SCLT1: variants seen among roughly 807,000 people sequenced by gnomAD.
The protein encoded by SCLT1 is sodium channel-associated protein 1.
Under a neutral mutation model 112.8 loss-of-function variants are expected in SCLT1, and 78 were observed. The ratio of observed to expected loss-of-function variants is 0.69; its 90% CI spans 0.58 to 0.83. The LOEUF (loss-of-function observed/expected upper bound fraction) is 0.83, where lower values mean the gene tolerates loss of function less well. SCLT1 is among the 40% of genes least tolerant of loss of function. The probability of loss-of-function intolerance (pLI) is 0.00; values close to 1 mark genes in which losing one functional copy is unlikely to be tolerated. For synonymous variants in SCLT1, 257 were observed against 254.7 expected (o/e 1.01, Z -0.09); for missense variants, 747 against 770.4 (o/e 0.97, Z 0.36).
At chr4:129,006,407 G>A (rs866113235) in intron 5 of SCLT1, among the ~76,000 whole-genome samples, 34 of 151,846 alleles carry the variant, frequency 2.2e-4, no homozygotes, top group Admixed American at 9.2e-4. Context: ...GCATGGTGGC[G>A]TGTGCCTGTA....
chr4:129,071,494 T>C (rs1375362555), intron 2 of SCLT1, among the ~76,000 whole-genome samples: 2 of 152,212 alleles, frequency 1.3e-5, no homozygotes, highest in African/African-American at 4.8e-5. Flanking sequence ...GATTGTGATA[T>C]CTTCCTGTTG....
chr4:129,076,689 A>G (rs1579945635), intron 2 of SCLT1, among the ~76,000 whole-genome samples: 1 of 81,632 alleles, frequency 1.2e-5, no homozygotes, highest in Non-Finnish European at 3.3e-5. Context: ...AGTATTCAAG[A>G]AAAAAAATGG....
intron 5 of SCLT1, among the ~76,000 whole-genome samples, chr4:129,029,716 G>C: frequency 6.6e-6 from 1 of 151,846 alleles, no homozygotes; most frequent in South Asian, 2.1e-4. Flanking sequence ...AAAAGACAAA[G>C]AAGGGCATTA....
chr4:129,029,149 C>T (rs966148238), intron 5 of SCLT1, among the ~76,000 whole-genome samples: 1 of 152,072 alleles, frequency 6.6e-6, no homozygotes, highest in Non-Finnish European at 1.5e-5. Context: ...ACTAGAAATA[C>T]CATTTGACCC....
intron 3 of SCLT1, among the ~76,000 whole-genome samples, 172 bp downstream of exon 3, chr4:129,043,821 T>C (rs1185244789): frequency 6.6e-6 from 1 of 152,212 alleles, no homozygotes; most frequent in East Asian, 1.9e-4. Context: ...GTTGCTCCTG[T>C]CTGAGAACTA....
intron 5 of SCLT1, among the ~76,000 whole-genome samples, chr4:129,016,792 C>T (rs1460620068): frequency 2.0e-5 from 3 of 152,140 alleles, no homozygotes; most frequent in Non-Finnish European, 4.4e-5. Flanking sequence ...CTTTCTATTC[C>T]TGGCCTTTGC....
intron 5 of SCLT1, among the ~76,000 whole-genome samples, chr4:129,014,027 T>C (rs1199840634): frequency 6.6e-6 from 1 of 152,220 alleles, no homozygotes; most frequent in African/African-American, 2.4e-5. Flanking sequence ...TTATTTCTAT[T>C]CTTGTCTGAT....
At chr4:128,946,503 C>T (rs985346594) in intron 15 of SCLT1, among the ~76,000 whole-genome samples, 11 of 152,078 alleles carry the variant, frequency 7.2e-5, no homozygotes, top group South Asian at 2.1e-4. Flanking sequence ...CCCAGGAGAT[C>T]GAGGCTGCAG....
At chr4:128,992,347 A>C (rs1742648711) in intron 8 of SCLT1, 110 bp from the exon 9 acceptor site, 6 of 652,166 alleles carry the variant, frequency 9.2e-6, no homozygotes, top group Non-Finnish European at 1.2e-5. Flanking sequence ...ATTTATGATA[A>C]AGATTAGATT....
intron 9 of SCLT1, among the ~76,000 whole-genome samples, chr4:128,990,767 C>A (rs1742495266): frequency 6.6e-6 from 1 of 150,482 alleles, no homozygotes; most frequent in African/African-American, 2.4e-5. Flanking sequence ...GAACAAAAAT[C>A]AGTATTATTT....
intron 5 of SCLT1, among the ~76,000 whole-genome samples, chr4:129,007,203 T>C (rs1288596476): frequency 6.6e-6 from 1 of 152,014 alleles, no homozygotes; most frequent in Non-Finnish European, 1.5e-5. Context: ...ACTTAGAGAA[T>C]GCATATTTTG....
chr4:128,928,150 C>G (rs1051545774), intron 18 of SCLT1, among the ~76,000 whole-genome samples: 2 of 151,748 alleles, frequency 1.3e-5, no homozygotes, highest in South Asian at 2.1e-4. Flanking sequence ...AAAACAACAA[C>G]AAAATTCCAG....
intron 2 of SCLT1, among the ~76,000 whole-genome samples, chr4:129,067,967 T>C (rs2125746090): frequency 1.3e-5 from 2 of 152,154 alleles, no homozygotes; most frequent in South Asian, 4.2e-4. Context: ...CTGCACCCAA[T>C]TTGTCTTTCA....
intron 1 of SCLT1, among the ~76,000 whole-genome samples, chr4:129,092,555 C>T (rs570043017): frequency 3.9e-5 from 6 of 152,138 alleles, no homozygotes; most frequent in Non-Finnish European, 5.9e-5. Context: ...TTCCAACAAC[C>T]CTATGAGACT....
chr4:128,991,191 A>G (rs116807869), intron 9 of SCLT1, among the ~76,000 whole-genome samples: 126 of 152,152 alleles, frequency 8.3e-4, no homozygotes, highest in African/African-American at 3.0e-3. Context: ...CTACAAATGT[A>G]TAGTAACCAA....
chr4:129,011,334 G>A (rs2126104242), intron 5 of SCLT1, among the ~76,000 whole-genome samples: 1 of 152,186 alleles, frequency 6.6e-6, no homozygotes, highest in South Asian at 2.1e-4. Flanking sequence ...ATTTTGTTGA[G>A]GATTTTTGTC....
intron 2 of SCLT1, among the ~76,000 whole-genome samples, chr4:129,054,837 T>G (rs1749201951): frequency 6.6e-6 from 1 of 152,042 alleles, no homozygotes; most frequent in East Asian, 1.9e-4. Flanking sequence ...GGAATTCTGG[T>G]TTTTGGATTT....
In SCLT1 at chr4:129,022,371, C is replaced by T. The variant is rs1355311222; in HGVS notation, c.290+16670G>A. On this transcript the variant is annotated intron_variant, in intron 5 of 20. Coordinates refer to ENST00000281142, the MANE Select transcript of SCLT1 (RefSeq NM_144643.4). ...TCTGCGTTAAAGGAGCATGTTCTAA[C>T]CCAATGCAAGGAAGCTAGGAACCTT... Among the ~76,000 whole-genome samples the T allele has an allele frequency of 3.3e-5, 5 of 152,126 alleles. No homozygotes were observed. The East Asian group carries it at 9.6e-4, about 29-fold the overall frequency.
At chr4:128,879,712 T>A (rs1560795189), downstream of SCLT1, among the ~76,000 whole-genome samples, 1 of 152,216 alleles carries the variant, frequency 6.6e-6, no homozygotes, top group Non-Finnish European at 1.5e-5. Context: ...CACATAAGCA[T>A]GTTACCATAA....
Sources: allele counts gnomAD v4.1 joint callset (sites outside exome capture counted in the v4.1 genomes callset), GRCh38; gene constraint gnomAD v4.1.1; transcripts MANE v1.5; gene names NCBI Gene and HGNC (gene_info 2026-07-23, HGNC 2026-07-21).